Variants in GRIA2 observed in about 807,000 individuals in gnomAD.
GRIA2 encodes glutamate ionotropic receptor AMPA type subunit 2.
A neutral mutation model predicts 97.3 loss-of-function variants in GRIA2; 14 were observed. That is an observed-to-expected ratio of 0.14 (90% confidence interval 0.10 to 0.23). The LOEUF (loss-of-function observed/expected upper bound fraction) is 0.23. Among genes scored for constraint, GRIA2 ranks in the 10% least tolerant of loss-of-function variants. GRIA2 has a pLI of 1.00. For missense variants in GRIA2, 558 were observed against 1,069.8 expected, an observed-to-expected ratio of 0.52 and a Z score of 6.67; for synonymous variants, 412 against 387.8, an observed-to-expected ratio of 1.06 and a Z score of -0.73.
intron 12 of GRIA2, among the ~76,000 whole-genome samples, chr4:157,355,883 ATT>A (rs1409796188): frequency 1.3e-4 from 10 of 79,798 alleles, no homozygotes; most frequent in African/African-American, 5.2e-4. Context: ...ATTTATATAT[ATT>A]AATATATTTA....
chr4:157,232,521 T>G, intron 2 of GRIA2, among the ~76,000 whole-genome samples: 1 of 152,352 alleles, frequency 6.6e-6, no homozygotes, highest in East Asian at 1.9e-4. Flanking sequence ...TTTATCATTT[T>G]ACTTTTATAT....
At chr4:157,344,815 CA>C (rs1439722578) in intron 12 of GRIA2, among the ~76,000 whole-genome samples, 1 of 151,982 alleles carries the variant, frequency 6.6e-6, no homozygotes, top group Non-Finnish European at 1.5e-5. Context: ...GAAGTTAGGT[CA>C]TTGTCTACAT....
chr4:157,334,406 G>A (rs2126935744), intron 9 of GRIA2: 2 of 250,108 alleles, frequency 8.0e-6, no homozygotes, highest in Non-Finnish European at 1.6e-5. Flanking sequence ...TGTTCCTCAT[G>A]TTTCTGCGAG....
intron 2 of GRIA2, among the ~76,000 whole-genome samples, chr4:157,300,670 G>A (rs983753557): frequency 1.3e-4 from 20 of 152,136 alleles, no homozygotes; most frequent in African/African-American, 4.8e-4. Flanking sequence ...AGAGGGTTGA[G>A]GGAGACCAAA....
chr4:157,318,118 A>G (rs1385101920), intron 5 of GRIA2, among the ~76,000 whole-genome samples: 1 of 152,102 alleles, frequency 6.6e-6, no homozygotes, highest in Non-Finnish European at 1.5e-5. Flanking sequence ...TTATAGAACA[A>G]TATTTGACAA....
chr4:157,354,075 A>G (rs1364252445), intron 12 of GRIA2, among the ~76,000 whole-genome samples: 6 of 152,202 alleles, frequency 3.9e-5, no homozygotes, highest in Non-Finnish European at 7.3e-5. Flanking sequence ...TGGAATTGAC[A>G]GTTTGAATAC....
chr4:157,341,379 A>G lies in GRIA2; in HGVS notation c.1960A>G (p.Ile654Val), dbSNP rs1303387443. The stretch of plus-strand genomic sequence containing the variant: ...GACTGTAGAGAGGATGGTGTCTCCC[A>G]TCGAAAGTGCTGAGGATCTTTCTAA... ...FLTVERMVSPIESAEDLSKQT... is the reference protein window; with the variant it reads ...FLTVERMVSPVESAEDLSKQT... Residue 654 changes from isoleucine to valine, a missense_variant, in exon 12 of 16, where the codon ATC (isoleucine) becomes GTC (valine). By Grantham distance (29) the Ile-to-Val change is conservative. Around this residue, in one of 8 missense-constraint regions of GRIA2, gnomAD observed 125 missense variants for 310.2 expected, o/e 0.40. Transcript: ENST00000264426. The G allele has an allele frequency of 4.3e-6, 7 of 1,612,462 alleles. No homozygotes were observed. Among genetic ancestry groups the G allele is most frequent in the Non-Finnish European group, 5.9e-6 (7 of 1,178,752 alleles).
intron 2 of GRIA2, among the ~76,000 whole-genome samples, chr4:157,301,518 G>A (rs1034962631): frequency 6.6e-6 from 1 of 152,064 alleles, no homozygotes; most frequent in Non-Finnish European, 1.5e-5. Flanking sequence ...ACAGGTTTTC[G>A]GCAAATAAGG....
At position 157,362,911 on chromosome 4, in the gene GRIA2, G is replaced by C. The variant is rs1736697088; in HGVS notation, c.2519G>C (p.Arg840Thr). ...TTGATTGAGTTCTGTTACAAGTCAA[G>C]GGCCGAGGCGAAACGAATGAAGGTG... ...VALIEFCYKS[R>T]AEAKRMKVAK... The change falls in exon 15 of 16, where the codon AGG (arginine) becomes ACG (threonine). Residue 840 changes from arginine to threonine, a missense_variant. Arg to Thr is a moderately conservative substitution (Grantham distance 71). Transcript: ENST00000264426. The C allele has an allele frequency of 6.2e-7, 1 of 1,613,468 alleles. No homozygotes were observed. The highest frequency in any genetic ancestry group is 1.7e-5 in the Admixed American group (1 of 59,940).
At chr4:157,226,437 T>C (rs1400177419) in intron 2 of GRIA2, among the ~76,000 whole-genome samples, 1 of 152,112 alleles carries the variant, frequency 6.6e-6, no homozygotes, top group Non-Finnish European at 1.5e-5. Context: ...TTTTATGTTT[T>C]AGAAGATAAA....
intron 2 of GRIA2, among the ~76,000 whole-genome samples, chr4:157,259,002 G>T (rs1458475019): frequency 6.6e-6 from 1 of 151,980 alleles, no homozygotes; most frequent in Non-Finnish European, 1.5e-5. Flanking sequence ...CAGGATGATT[G>T]CTTGAGTCCA....
intron 2 of GRIA2, chr4:157,249,513 AG>A (rs1730928574): frequency 6.6e-6 from 1 of 152,166 alleles, no homozygotes; most frequent in Admixed American, 6.6e-5. Flanking sequence ...CAGAAAGACC[AG>A]GTGATTTAGT....
At chr4:157,254,519 A>G (rs1731156814) in intron 2 of GRIA2, among the ~76,000 whole-genome samples, 1 of 152,100 alleles carries the variant, frequency 6.6e-6, no homozygotes, top group Non-Finnish European at 1.5e-5. Context: ...ATCAAAAAGA[A>G]AAAGGCAAAC....
intron 11 of GRIA2, among the ~76,000 whole-genome samples, chr4:157,338,605 C>T (rs1188157766): frequency 6.6e-6 from 1 of 152,054 alleles, no homozygotes; most frequent in Non-Finnish European, 1.5e-5. Flanking sequence ...TGATTTCATT[C>T]ATGAGTCATG....
At chr4:157,337,994 G>C (rs1331760959) in intron 11 of GRIA2, among the ~76,000 whole-genome samples, 2 of 136,720 alleles carry the variant, frequency 1.5e-5, no homozygotes, top group Non-Finnish European at 3.1e-5. Context: ...TGACATATGT[G>C]TGTATATATA....
chr4:157,338,045 TATATAC>T (rs1274466833), intron 11 of GRIA2, among the ~76,000 whole-genome samples: 19,727 of 40,396 alleles, frequency 0.49, 2,473 homozygotes, highest in South Asian at 0.6. Context: ...TATATATATA[TATATAC>T]ACACACATTT....
At chr4:157,262,160 A>G (rs1041967703) in intron 2 of GRIA2, among the ~76,000 whole-genome samples, 22 of 152,204 alleles carry the variant, frequency 1.4e-4, no homozygotes, top group African/African-American at 5.3e-4. Context: ...TGGCCAGTAT[A>G]AGTATCAAAA....
chr4:157,320,006 T>G (rs576572648), intron 5 of GRIA2, among the ~76,000 whole-genome samples: 1 of 152,236 alleles, frequency 6.6e-6, no homozygotes, highest in African/African-American at 2.4e-5. Flanking sequence ...TCCTAGAAAT[T>G]AAAAATTCAA....
In GRIA2 at chr4:157,363,424, T is replaced by C. The variant is rs1736728209; in HGVS notation, c.*4-11T>C. On this transcript the variant is annotated splice_polypyrimidine_tract_variant and intron_variant, in intron 15 of 15. Transcript: ENST00000264426. ...TTTCTTTTTCTTTCTTTCCCTCCTC[T>C]CTCATTTAAGATGACCTTGAATGAT... 2.4e-6 allele frequency: 3 copies of C among 1,240,826 alleles called. No individual in the cohort carries two copies. Among genetic ancestry groups the C allele is most frequent in the Non-Finnish European group, 3.0e-6 (3 of 989,198 alleles). The allele number at this position is 1,240,826 out of a possible 1,614,324, so 76.9% of individuals were successfully genotyped here. A position where few individuals can be genotyped will look rare whatever the true frequency, so the allele number is the denominator to read the frequency against.
Sources: gnomAD v4.1 joint callset for allele counts (sites outside exome capture counted in the v4.1 genomes callset) on GRCh38, gnomAD v4.1.1 for gene constraint, gnomAD v4.1.1 regional missense constraint, MANE v1.5 for transcripts, NCBI Gene and HGNC (gene_info 2026-07-23, HGNC 2026-07-21) for gene names.